STK17B: variants seen among roughly 807,000 people sequenced by gnomAD.
STK17B encodes serine/threonine kinase 17b.
A neutral mutation model predicts 42.0 loss-of-function variants in STK17B; 21 were observed. The observed-to-expected ratio is 0.50, with a 90% confidence interval of 0.35 to 0.72. The LOEUF (loss-of-function observed/expected upper bound fraction) is 0.72. STK17B is among the 30% of genes least tolerant of loss of function. The probability of loss-of-function intolerance (pLI) is 0.00; values close to 1 mark genes in which losing one functional copy is unlikely to be tolerated. For missense variants in STK17B, 349 were observed against 446.0 expected (o/e 0.78, Z 1.96); for synonymous variants, 143 against 148.4 (o/e 0.96, Z 0.26).
In STK17B at chr2:196,134,271, CA is replaced by C. The variant is rs1699363259; in HGVS notation, c.*3175del. Reference sequence around the variant, plus strand: ...ACAAGTACCTTATTACTGACTAGAGCAGGGGTCCCCAGTCCCCAGGCCACGA... The same window carrying C: ...ACAAGTACCTTATTACTGACTAGAGCGGGGTCCCCAGTCCCCAGGCCACGA... On this transcript the variant is annotated 3_prime_UTR_variant, in exon 8 of 8. Coordinates refer to ENST00000263955, the MANE Select transcript of STK17B (RefSeq NM_004226.4). 1 of 151,586 alleles carries C rather than the reference CA, an allele frequency of 6.6e-6. No individual in the cohort carries two copies. The highest frequency in any genetic ancestry group is 1.5e-5 in the Non-Finnish European group (1 of 67,968). 9.4% of individuals were successfully genotyped at this position (151,586 alleles called of 1,614,324 possible).
chr2:196,142,008 A>C (rs1222011054), intron 5 of STK17B, among the ~76,000 whole-genome samples: 4 of 152,202 alleles, frequency 2.6e-5, no homozygotes, highest in Non-Finnish European at 5.9e-5. Context: ...AAATAGGATC[A>C]TGTGCATCTG....
intron 3 of STK17B, among the ~76,000 whole-genome samples, chr2:196,152,194 C>T (rs1699674595): frequency 6.6e-6 from 1 of 151,488 alleles, no homozygotes; most frequent in Admixed American, 6.6e-5. Context: ...GCAACCTCTG[C>T]CTCCCAGGTT....
chr2:196,157,581 AT>A (rs1198174045), intron 2 of STK17B, among the ~76,000 whole-genome samples: 1 of 152,254 alleles, frequency 6.6e-6, no homozygotes, highest in Non-Finnish European at 1.5e-5. Flanking sequence ...CCTGTAACAG[AT>A]AACTAAGGTA....
At chr2:196,171,902 CAGAGAGG>C (rs1421819956), upstream of STK17B, among the ~76,000 whole-genome samples, 2 of 152,124 alleles carry the variant, frequency 1.3e-5, no homozygotes, top group Admixed American at 1.3e-4. Context: ...TTCCCACCTT[CAGAGAGG>C]TCAGTTCGAG....
intron 2 of STK17B, among the ~76,000 whole-genome samples, chr2:196,159,709 A>G (rs573101844): frequency 2.6e-5 from 4 of 152,306 alleles, no homozygotes; most frequent in African/African-American, 9.6e-5. Flanking sequence ...AACGTTCACC[A>G]CTAAGTAAAA....
At chr2:196,138,253 C>T (rs1317071161) in intron 7 of STK17B, among the ~76,000 whole-genome samples, 3 of 152,182 alleles carry the variant, frequency 2.0e-5, no homozygotes, top group Non-Finnish European at 4.4e-5. Context: ...TACACAGCTT[C>T]ACATACTCCA....
chr2:196,156,782 G>T (rs1699745332), intron 2 of STK17B, 131 bp from the exon 3 acceptor site: 2 of 735,218 alleles, frequency 2.7e-6, no homozygotes, highest in Non-Finnish European at 4.4e-6. Flanking sequence ...ATTTATCTTT[G>T]TTCTCTAAAT....
rs191557300 is a variant in STK17B at position 196,163,750 on chromosome 2, G to A, written c.-44-323C>T. Among the ~76,000 whole-genome samples, 114 of 152,164 alleles carry A rather than the reference G, an allele frequency of 7.5e-4. 1 individual carries two copies. The highest frequency in any genetic ancestry group is 2.6e-3 in the African/African-American group (110 of 41,518). ...AAACTCCATTCTTTAAAGTTATAGA[G>A]GTTTCAGCTGGACATGGTGGTATAC... On this transcript the variant is annotated intron_variant, in intron 1 of 7. Transcript: ENST00000263955.
chr2:196,136,345 C>A lies in STK17B; in HGVS notation c.*1102G>T, dbSNP rs1195536756. 4 of 152,470 alleles carry A rather than the reference C, an allele frequency of 2.6e-5. No homozygotes were observed. Among genetic ancestry groups the A allele is most frequent in the Non-Finnish European group, 5.9e-5 (4 of 68,052 alleles). The allele number at this position is 152,470 out of a possible 1,614,324, so 9.4% of individuals were successfully genotyped here. A position where few individuals can be genotyped will look rare whatever the true frequency, so the allele number is the denominator to read the frequency against. On this transcript the variant is annotated 3_prime_UTR_variant, in exon 8 of 8. Transcript: ENST00000263955. The stretch of plus-strand genomic sequence containing the variant: ...AGCAAAAGACCACAATGAGGGGCCA[C>A]TCTGCAGATGGCTTTAAGCTGAGCC...
In STK17B at chr2:196,143,722, T is replaced by C. The variant is rs3736515; in HGVS notation, c.481-36A>G. 5.1e-3 allele frequency: 7,379 copies of C among 1,451,954 alleles called. 169 individuals carry two copies. The East Asian group carries it at 0.062, about 12-fold the overall frequency. 89.9% of individuals were successfully genotyped at this position (1,451,954 alleles called of 1,614,324 possible). A position where few individuals can be genotyped will look rare whatever the true frequency, so the allele number is the denominator to read the frequency against. On this transcript the variant is annotated intron_variant, in intron 4 of 7. Transcript: ENST00000263955. ...TACAACAAAAACATGATAAGTAATA[T>C]ACAAAAAAGCATACTAGTCTCAGAT...
Position 196,137,646 on chromosome 2 carries a change from G to T in STK17B, c.920C>A (p.Thr307Asn), listed in dbSNP as rs998674437. The change falls in exon 8 of 8, where the codon ACT becomes AAT. Residue 307 changes from threonine to asparagine, a missense_variant. By Grantham distance (65) the Thr-to-Asn change is moderately conservative. Coordinates refer to ENST00000263955, the MANE Select transcript of STK17B (RefSeq NM_004226.4). The part of the protein sequence containing the change: ...DFENLFHPEE[T>N]SSSSQTQDHS... ...ATCCTGAGTTTGAGAGGAACTGGAA[G>T]TTTCTTCAGGGTGAAACAAGTTTTC... is the stretch of plus-strand genomic sequence containing the variant. The T allele has an allele frequency of 1.9e-6, 3 of 1,614,114 alleles. No homozygotes were observed. Among genetic ancestry groups the T allele is most frequent in the Admixed American group, 3.3e-5 (2 of 60,028 alleles).
intron 1 of STK17B, among the ~76,000 whole-genome samples, chr2:196,164,069 T>TAAAGAAAG (rs1403794081): frequency 4.0e-5 from 6 of 151,644 alleles, no homozygotes; most frequent in African/African-American, 1.5e-4. Context: ...AATAAATAAA[T>TAAAGAAAG]AAATAAAGTT....
At chr2:196,164,429 T>C (rs1352534006) in intron 1 of STK17B, among the ~76,000 whole-genome samples, 1 of 152,242 alleles carries the variant, frequency 6.6e-6, no homozygotes, top group African/African-American at 2.4e-5. Context: ...AAATTTGTGA[T>C]GTTTATATGC....
Position 196,139,690 on chromosome 2 carries a change from C to A in STK17B, c.766G>T (p.Glu256Ter). 6.8e-7 allele frequency: 1 copy of A among 1,472,950 alleles called. No individual in the cohort carries two copies. The highest frequency in any genetic ancestry group is 9.0e-7 in the Non-Finnish European group (1 of 1,109,558). The allele number at this position is 1,472,950 out of a possible 1,614,324, so 91.2% of individuals were successfully genotyped here. The change falls in exon 7 of 8, where the codon GAA (glutamate) becomes TAA (stop). Residue 256 changes from glutamate (E) to a stop codon, truncating the protein, a stop_gained. Coordinates refer to ENST00000263955, the MANE Select transcript of STK17B (RefSeq NM_004226.4). LOFTEE classifies it high-confidence loss of function. ...NISQVNVDYSEETFSSVSQLA... is the reference protein window; with the variant it reads ...NISQVNVDYS Reference sequence around the variant, plus strand: ...TGTGAAACTGATGAAAAAGTTTCTTCCGAATAATCTACATTAACTTGAGAA... The same window carrying A: ...TGTGAAACTGATGAAAAAGTTTCTTACGAATAATCTACATTAACTTGAGAA...
intron 4 of STK17B, among the ~76,000 whole-genome samples, chr2:196,144,749 A>G (rs2105683945): frequency 6.6e-6 from 1 of 152,206 alleles, no homozygotes; most frequent in Admixed American, 6.5e-5. Context: ...CTGCAGGCCC[A>G]CGGCCTATTA....
At chr2:196,159,937 C>T (rs1024770106) in intron 2 of STK17B, among the ~76,000 whole-genome samples, 4 of 151,862 alleles carry the variant, frequency 2.6e-5, no homozygotes, top group Admixed American at 6.6e-5. Context: ...TATATGTGTG[C>T]GTGTGTATTC....
chr2:196,133,783 CATAATA>C lies in STK17B; in HGVS notation c.*3658_*3663del, dbSNP rs1309948590. On this transcript the variant is annotated 3_prime_UTR_variant, in exon 8 of 8. Transcript: ENST00000263955. ...TGTAGATTTTTTTTACTGGAATACT[CATAATA>C]ATGTCTGTCTATATGCCTTAAGCAA... 2.6e-5 allele frequency: 4 copies of C among 152,218 alleles called. No individual in the cohort carries two copies. Among genetic ancestry groups the C allele is most frequent in the African/African-American group, 9.6e-5 (4 of 41,558 alleles). 9.4% of individuals were successfully genotyped at this position (152,218 alleles called of 1,614,324 possible).
At chr2:196,141,777 T>C (rs1015057261) in intron 5 of STK17B, among the ~76,000 whole-genome samples, 3 of 152,228 alleles carry the variant, frequency 2.0e-5, no homozygotes, top group African/African-American at 7.2e-5. Context: ...AACATCCCTA[T>C]TATTGAGTAA....
chr2:196,158,324 T>C (rs1519594), intron 2 of STK17B, among the ~76,000 whole-genome samples: 152,288 of 152,318 alleles, frequency 1, 76,129 homozygotes, highest in Middle Eastern at 1. Context: ...AAAATTGATG[T>C]CAGTGGAAAG....
Sources: gnomAD v4.1 joint callset for allele counts (sites outside exome capture counted in the v4.1 genomes callset) on GRCh38, gnomAD v4.1.1 for gene constraint, MANE v1.5 for transcripts, NCBI Gene and HGNC (gene_info 2026-07-23, HGNC 2026-07-21) for gene names.